The following CTNND2 variants were observed in gnomAD, a reference collection of about 807,000 sequenced individuals.
CTNND2 encodes the protein catenin delta-2.
CTNND2 carries 22 observed loss-of-function variants against 144.4 expected under a neutral mutation model. That is an observed-to-expected ratio of 0.15 (90% CI 0.11 to 0.22). The LOEUF is 0.22. Among genes scored for constraint, CTNND2 ranks in the 10% least tolerant of loss-of-function variants. The probability of loss-of-function intolerance (pLI) is 1.00; values close to 1 mark genes in which losing one functional copy is unlikely to be tolerated. For missense variants in CTNND2, 1,353 were observed against 1,618.8 expected (o/e 0.84, Z 2.82); for synonymous variants, 751 against 695.6 (o/e 1.08, Z -1.25).
intron 3 of CTNND2, among the ~76,000 whole-genome samples, chr5:11,462,238 G>C (rs954477499): frequency 1.3e-5 from 2 of 152,182 alleles, no homozygotes; most frequent in Non-Finnish European, 2.9e-5. Context: ...AAAGGTCATA[G>C]TTCCAATTTT....
At chr5:11,716,719 C>T (rs1251825828) in intron 2 of CTNND2, among the ~76,000 whole-genome samples, 3 of 152,048 alleles carry the variant, frequency 2.0e-5, no homozygotes, top group South Asian at 4.1e-4. Context: ...CGGAGTCTTG[C>T]TCTGTCACCG....
intron 2 of CTNND2, among the ~76,000 whole-genome samples, chr5:11,689,558 A>G (rs182579653): frequency 6.0e-4 from 91 of 152,320 alleles, no homozygotes; most frequent in South Asian, 1.5e-3. Context: ...TCAATTTGTG[A>G]ATGCTGTTGT....
intron 2 of CTNND2, among the ~76,000 whole-genome samples, chr5:11,610,142 C>G (rs1187339296): frequency 6.6e-6 from 1 of 152,178 alleles, no homozygotes; most frequent in Non-Finnish European, 1.5e-5. Flanking sequence ...ATGCACAGAT[C>G]AAAGCCGCTT....
chr5:11,667,249 T>C (rs1372580429), intron 2 of CTNND2, among the ~76,000 whole-genome samples: 1 of 152,118 alleles, frequency 6.6e-6, no homozygotes, highest in East Asian at 1.9e-4. Context: ...GTCTTTATAG[T>C]AGAATGATTT....
intron 9 of CTNND2, among the ~76,000 whole-genome samples, chr5:11,327,075 A>G (rs1166737118): frequency 6.6e-6 from 1 of 152,192 alleles, no homozygotes; most frequent in Admixed American, 6.5e-5. Flanking sequence ...TGAAGTGCCT[A>G]TGTCCAGGGT....
chr5:11,090,941 T>C (rs535367424), intron 15 of CTNND2, among the ~76,000 whole-genome samples: 1 of 152,302 alleles, frequency 6.6e-6, no homozygotes, highest in Admixed American at 6.5e-5. Context: ...AGATTTTCTT[T>C]TTATTGCTGA....
chr5:11,043,622 A>T (rs1001355700), intron 16 of CTNND2, among the ~76,000 whole-genome samples: 1 of 152,204 alleles, frequency 6.6e-6, no homozygotes, highest in African/African-American at 2.4e-5. Flanking sequence ...CCAAAAATGG[A>T]CCAAAGTTTA....
chr5:11,402,865 T>C (rs1760753432), intron 5 of CTNND2, among the ~76,000 whole-genome samples: 1 of 152,230 alleles, frequency 6.6e-6, no homozygotes, highest in Non-Finnish European at 1.5e-5. Flanking sequence ...ATTAAAACGT[T>C]AATGGTCCCA....
intron 1 of CTNND2, among the ~76,000 whole-genome samples, chr5:11,877,788 G>C (rs1179133483): frequency 6.6e-6 from 1 of 151,974 alleles, no homozygotes; most frequent in East Asian, 1.9e-4. Flanking sequence ...CAAAATATAA[G>C]ACTATCAAAA....
At chr5:11,864,489 T>C (rs1251865178) in intron 1 of CTNND2, among the ~76,000 whole-genome samples, 1 of 152,270 alleles carries the variant, frequency 6.6e-6, no homozygotes. Context: ...CTTTCTCCTC[T>C]AGAAAGGCCA....
chr5:11,200,188 A>C (rs1298388995), intron 10 of CTNND2, among the ~76,000 whole-genome samples: 1 of 152,216 alleles, frequency 6.6e-6, no homozygotes, highest in Non-Finnish European at 1.5e-5. Context: ...CGGAAATAAG[A>C]ACGTCTCTTA....
At chr5:11,887,044 C>T (rs1363333051) in intron 1 of CTNND2, among the ~76,000 whole-genome samples, 3 of 125,712 alleles carry the variant, frequency 2.4e-5, no homozygotes, top group African/African-American at 9.1e-5. Context: ...AGTGCGGTGG[C>T]GCGATCTCGG....
At chr5:11,584,428 G>T (rs577323637) in intron 2 of CTNND2, among the ~76,000 whole-genome samples, 1 of 145,256 alleles carries the variant, frequency 6.9e-6, no homozygotes, top group Non-Finnish European at 1.5e-5. Flanking sequence ...TTTTTTTTGG[G>T]GGGGGGGAGG....
chr5:11,553,551 T>G (rs921533494), intron 3 of CTNND2, among the ~76,000 whole-genome samples: 1 of 152,236 alleles, frequency 6.6e-6, no homozygotes, highest in Non-Finnish European at 1.5e-5. Flanking sequence ...TATCCCCATT[T>G]TTATAGATGA....
Position 11,559,943 on chromosome 5 carries a change from C to T in CTNND2, c.287+5001G>A, listed in dbSNP as rs527444758. On this transcript the variant is annotated intron_variant, in intron 3 of 21. Transcript: ENST00000304623. The stretch of plus-strand genomic sequence containing the variant: ...CCATCTGCAGGGATGGTCACCCTCA[C>T]GCTGTGTCTGATTCCCCTGCCCCTT... Among the ~76,000 whole-genome samples, 6 of 152,330 alleles carry T rather than the reference C, an allele frequency of 3.9e-5. No individual in the cohort carries two copies. In the South Asian group the frequency reaches 6.2e-4, roughly 16 times the overall value.
intron 16 of CTNND2, among the ~76,000 whole-genome samples, chr5:11,053,605 T>C (rs1746064695): frequency 6.6e-6 from 1 of 152,232 alleles, no homozygotes; most frequent in South Asian, 2.1e-4. Context: ...GGAAGATATA[T>C]GTGCATGGGG....
intron 5 of CTNND2, among the ~76,000 whole-genome samples, chr5:11,397,411 T>G (rs898446099): frequency 1.3e-5 from 2 of 152,144 alleles, no homozygotes; most frequent in African/African-American, 4.8e-5. Flanking sequence ...TGGTGGTGGT[T>G]TAAAAGTTCT....
At chr5:11,502,683 C>T (rs369555543) in intron 3 of CTNND2, among the ~76,000 whole-genome samples, 2 of 152,064 alleles carry the variant, frequency 1.3e-5, no homozygotes, top group Non-Finnish European at 2.9e-5. Flanking sequence ...CATTTGGTAC[C>T]CCAGACTATC....
chr5:11,878,027 G>C (rs1261491332), intron 1 of CTNND2, among the ~76,000 whole-genome samples: 4 of 151,944 alleles, frequency 2.6e-5, no homozygotes, highest in Admixed American at 2.6e-4. Context: ...AATGTAGAAG[G>C]CAATTATCTT....
Sources: gnomAD v4.1 joint callset for allele counts (sites outside exome capture counted in the v4.1 genomes callset) on GRCh38, gnomAD v4.1.1 for gene constraint, MANE v1.5 for transcripts, NCBI Gene and HGNC (gene_info 2026-07-23, HGNC 2026-07-21) for gene names.